FBXO11: variants seen among roughly 807,000 people sequenced by gnomAD.
FBXO11 encodes the protein F-box only protein 11.
Under a neutral mutation model 117.0 loss-of-function variants are expected in FBXO11, and 13 were observed. The observed-to-expected ratio is 0.11, with a 90% CI of 0.07 to 0.18. The LOEUF (loss-of-function observed/expected upper bound fraction) is 0.18. FBXO11 is among the 10% of genes least tolerant of loss of function. FBXO11 has a pLI of 1.00. For synonymous variants in FBXO11, 490 were observed against 380.5 expected, an observed-to-expected ratio of 1.29 and a Z score of -3.35; for missense variants, 767 against 1,164.4, an observed-to-expected ratio of 0.66 and a Z score of 4.97.
chr2:47,819,732 T>C lies in FBXO11; in HGVS notation c.1797+630A>G, dbSNP rs191619078. On this transcript the variant is annotated intron_variant, in intron 14 of 22. Transcript: ENST00000403359. ...TACTTCAAACCTATTTCTCGAGAAA[T>C]CAATTCAAAATGATATGGCTTCATG... Among the ~76,000 whole-genome samples, 881 of 152,258 alleles carry C rather than the reference T, an allele frequency of 5.8e-3. 4 individuals carry two copies. Among genetic ancestry groups the C allele is most frequent in the Middle Eastern group, 0.027 (8 of 294 alleles).
intron 1 of FBXO11, among the ~76,000 whole-genome samples, chr2:47,887,636 G>C (rs986326895): frequency 6.6e-6 from 1 of 152,078 alleles, no homozygotes; most frequent in Non-Finnish European, 1.5e-5. Flanking sequence ...TGAGGTGGGC[G>C]AACTGCTGGA....
chr2:47,823,989 C>A (rs1319651019), intron 11 of FBXO11, among the ~76,000 whole-genome samples: 1 of 152,014 alleles, frequency 6.6e-6, no homozygotes, highest in Non-Finnish European at 1.5e-5. Context: ...GCACACACCA[C>A]CATGCCTGGC....
intron 1 of FBXO11, among the ~76,000 whole-genome samples, chr2:47,897,701 C>CAAAAAAAAAAAAAA (rs60982405): frequency 2.9e-5 from 3 of 103,138 alleles, no homozygotes; most frequent in African/African-American, 4.1e-5. Flanking sequence ...TGTCTTAAAC[C>CAAAAAAAAAAAAAA]AAAAAAAAAA....
At chr2:47,821,291 A>T (rs1050764749) in intron 13 of FBXO11, among the ~76,000 whole-genome samples, 1 of 152,026 alleles carries the variant, frequency 6.6e-6, no homozygotes, top group Non-Finnish European at 1.5e-5. Context: ...CAGCCTGGCC[A>T]ACATGGCAAA....
chr2:47,900,667 C>CGT (rs1491331780), intron 1 of FBXO11, among the ~76,000 whole-genome samples: 1 of 37,664 alleles, frequency 2.7e-5, no homozygotes, highest in Non-Finnish European at 4.6e-5. Flanking sequence ...CACACACGTA[C>CGT]GTATATACAC....
At chr2:47,880,711 A>G (rs1227285569) in intron 1 of FBXO11, among the ~76,000 whole-genome samples, 2 of 152,358 alleles carry the variant, frequency 1.3e-5, no homozygotes, top group Middle Eastern at 3.4e-3. Flanking sequence ...CCTTTAAGAA[A>G]TAAGTGCCAC....
chr2:47,808,966 G>T, intron 21 of FBXO11, 192 bp downstream of exon 21: 1 of 457,406 alleles, frequency 2.2e-6, no homozygotes, highest in Non-Finnish European at 3.9e-6. Flanking sequence ...CAAAGTGCTA[G>T]GATTACAGGC....
At chr2:47,881,146 G>A (rs905086079) in intron 1 of FBXO11, among the ~76,000 whole-genome samples, 3 of 152,110 alleles carry the variant, frequency 2.0e-5, no homozygotes, top group Non-Finnish European at 2.9e-5. Context: ...CAGTTACTTG[G>A]GAGGCTGACG....
At position 47,806,924 on chromosome 2, in the gene FBXO11, G is replaced by C; in HGVS notation, c.*1194C>G. On this transcript the variant is annotated 3_prime_UTR_variant, in exon 23 of 23. Transcript: ENST00000403359. ...AGGTGGTAAATTCAGACAACATTAT[G>C]ATCTAATAAACTTTATTTTTTAAAA... The C allele has an allele frequency of 8.3e-7, 1 of 1,199,832 alleles. No individual in the cohort carries two copies. Among genetic ancestry groups the C allele is most frequent in the Non-Finnish European group, 1.2e-6 (1 of 811,228 alleles). The allele number at this position is 1,199,832 out of a possible 1,614,324, so 74.3% of individuals were successfully genotyped here.
At chr2:47,853,787 A>G (rs1460613307) in intron 1 of FBXO11, among the ~76,000 whole-genome samples, 1 of 152,208 alleles carries the variant, frequency 6.6e-6, no homozygotes, top group East Asian at 1.9e-4. Flanking sequence ...TTGAGATGGG[A>G]TACTGAAAGT....
At chr2:47,809,980 ATC>A (rs1178966016) in intron 19 of FBXO11, 1 of 491,994 alleles carries the variant, frequency 2.0e-6, no homozygotes, top group Non-Finnish European at 3.6e-6. Context: ...CCATTTTAAC[ATC>A]TCTTTTTCTG....
At chr2:47,900,835 T>TAC (rs10630358) in intron 1 of FBXO11, among the ~76,000 whole-genome samples, 11 of 22,364 alleles carry the variant, frequency 4.9e-4, no homozygotes, top group African/African-American at 9.6e-4. Context: ...TATACACGTA[T>TAC]ACACACACGT....
intron 1 of FBXO11, among the ~76,000 whole-genome samples, chr2:47,879,086 TA>T (rs1214706717): frequency 6.6e-6 from 1 of 152,024 alleles, no homozygotes; most frequent in African/African-American, 2.4e-5. Flanking sequence ...TTTGTGAGTG[TA>T]AAAAAAATAT....
intron 1 of FBXO11, among the ~76,000 whole-genome samples, chr2:47,881,802 G>C (rs1676450022): frequency 6.6e-6 from 1 of 151,938 alleles, no homozygotes; most frequent in East Asian, 1.9e-4. Context: ...CTGGAGTGCA[G>C]TGGCATGCAT....
intron 1 of FBXO11, among the ~76,000 whole-genome samples, chr2:47,883,017 ATCTCTTT>A (rs1676550399): frequency 6.6e-6 from 1 of 152,094 alleles, no homozygotes; most frequent in Non-Finnish European, 1.5e-5. Context: ...TTGCCCTGCC[ATCTCTTT>A]TCTGAGTTCT....
chr2:47,813,239 C>G lies in FBXO11; in HGVS notation c.2222G>C (p.Gly741Ala). The change falls in exon 18 of 23, where the codon GGT (glycine) becomes GCT (alanine). Residue 741 changes from glycine (G) to alanine (A), a missense_variant. Transcript: ENST00000403359. ...RDGGICIFNG[G>A]RGLLEENDIF... ...TGCAAAATTAACAACAATACCTCGACCCCCATTAAATATACAGATGCCACC... is the reference window on the plus strand; with the variant it reads ...TGCAAAATTAACAACAATACCTCGAGCCCCATTAAATATACAGATGCCACC... 1 of 1,613,260 alleles carries G rather than the reference C, an allele frequency of 6.2e-7. No homozygotes were observed. The highest frequency in any genetic ancestry group is 1.3e-5 in the African/African-American group (1 of 74,980).
At chr2:47,832,922 T>C (rs746493718) in intron 8 of FBXO11, 42 bp from the exon 9 acceptor site, 1 of 1,604,260 alleles carries the variant, frequency 6.2e-7, no homozygotes, top group East Asian at 2.2e-5. Flanking sequence ...AATTACTGCC[T>C]TTATGATTTC....
At chr2:47,873,983 G>A (rs1675810357) in intron 1 of FBXO11, among the ~76,000 whole-genome samples, 1 of 152,092 alleles carries the variant, frequency 6.6e-6, no homozygotes, top group Non-Finnish European at 1.5e-5. Flanking sequence ...GGGAGGCCGA[G>A]GTGGGTGGAT....
rs201242636 is a variant in FBXO11 at position 47,841,784 on chromosome 2, G to GCA, written c.233-2017_233-2016dup. Among the ~76,000 whole-genome samples the GCA allele has an allele frequency of 2.9e-3, 433 of 151,878 alleles. 7 individuals are homozygous for GCA. The highest frequency in any genetic ancestry group is 0.024 in the Admixed American group (368 of 15,240). The stretch of plus-strand genomic sequence containing the variant: ...GCCTCCTGAGTAGCTGGGACTACAG[G>GCA]CACACACCACCATGCCTGGCTAACT... On this transcript the variant is annotated intron_variant, in intron 1 of 22. Coordinates refer to ENST00000403359, the MANE Select transcript of FBXO11 (RefSeq NM_001190274.2).
Sources: gnomAD v4.1 joint callset for allele counts (sites outside exome capture counted in the v4.1 genomes callset) on GRCh38, gnomAD v4.1.1 for gene constraint, MANE v1.5 for transcripts, NCBI Gene and HGNC (gene_info 2026-07-23, HGNC 2026-07-21) for gene names.